The following MYO5B variants were observed in gnomAD, a reference collection of about 807,000 sequenced individuals.
MYO5B encodes myosin VB.
Under a neutral mutation model 229.3 loss-of-function variants are expected in MYO5B, and 143 were observed. The ratio of observed to expected loss-of-function variants is 0.62; its 90% CI spans 0.54 to 0.72. The LOEUF is 0.72. Ranked by LOEUF, MYO5B falls within the 30% of genes least tolerant of loss-of-function variation. The pLI is 0.00. For missense variants in MYO5B, 2,321 were observed against 2,331.0 expected, an observed-to-expected ratio of 1.00 and a Z score of 0.09; for synonymous variants, 918 against 885.2, an observed-to-expected ratio of 1.04 and a Z score of -0.66.
chr18:50,174,173 C>T (rs918573536), intron 1 of MYO5B, among the ~76,000 whole-genome samples: 1 of 152,106 alleles, frequency 6.6e-6, no homozygotes, highest in Non-Finnish European at 1.5e-5. Context: ...ACTCCCAGTA[C>T]CAAATCTGTA....
chr18:49,912,273 T>C lies in MYO5B; in HGVS notation c.2091-100A>G, dbSNP rs865965600. ...ACAGTTCCCTATGGGGTCAACACTG[T>C]GGCACAAAGTCATTCTCAGAGCAGC... On this transcript the variant is annotated intron_variant, in intron 17 of 39. Transcript: ENST00000285039. The C allele has an allele frequency of 1.6e-5, 14 of 872,308 alleles. No homozygotes were observed. The Middle Eastern group carries it at 1.3e-3, about 82-fold the overall frequency. 54.0% of individuals were successfully genotyped at this position (872,308 alleles called of 1,614,324 possible).
intron 1 of MYO5B, among the ~76,000 whole-genome samples, chr18:50,059,467 A>G (rs941403764): frequency 2.0e-5 from 3 of 152,202 alleles, no homozygotes; most frequent in Admixed American, 1.3e-4. Flanking sequence ...TGGAAGAGAG[A>G]AAGTTGGTAG....
intron 5 of MYO5B, among the ~76,000 whole-genome samples, chr18:49,996,267 A>G (rs1262178362): frequency 2.0e-5 from 3 of 152,354 alleles, no homozygotes; most frequent in African/African-American, 7.2e-5. Flanking sequence ...AAAATCGGGT[A>G]TATCTAGTAA....
intron 1 of MYO5B, 49 bp from the exon 2 acceptor site, chr18:50,055,427 A>G (rs1236395094): frequency 6.7e-7 from 1 of 1,494,280 alleles, no homozygotes; most frequent in African/African-American, 1.4e-5. Flanking sequence ...AAGCTCTCAG[A>G]TTTCTAAATG....
chr18:49,929,670 A>T, intron 16 of MYO5B, 72 bp from the exon 17 acceptor site: 1 of 1,323,658 alleles, frequency 7.6e-7, no homozygotes, highest in Non-Finnish European at 1.1e-6. Context: ...AAAGAAACAA[A>T]AAAGAATCTT....
intron 1 of MYO5B, among the ~76,000 whole-genome samples, chr18:50,181,768 T>C (rs2033076625): frequency 1.3e-5 from 2 of 152,176 alleles, no homozygotes; most frequent in Non-Finnish European, 1.5e-5. Flanking sequence ...GCTTGTTTCA[T>C]AGTCACACAC....
intron 12 of MYO5B, among the ~76,000 whole-genome samples, chr18:49,956,683 T>A (rs2025495924): frequency 6.6e-6 from 1 of 152,032 alleles, no homozygotes; most frequent in South Asian, 2.1e-4. Context: ...TACAGCTATA[T>A]GAACTTCTTT....
intron 4 of MYO5B, among the ~76,000 whole-genome samples, chr18:50,013,516 G>A (rs1163838348): frequency 6.6e-6 from 1 of 152,182 alleles, no homozygotes; most frequent in Non-Finnish European, 1.5e-5. Flanking sequence ...CAGCCCTCTT[G>A]AGAGAATTAC....
chr18:49,981,975 T>C (rs1037132413), intron 8 of MYO5B, among the ~76,000 whole-genome samples: 2 of 152,202 alleles, frequency 1.3e-5, no homozygotes, highest in African/African-American at 4.8e-5. Context: ...TTAGAGTATC[T>C]TGCTCTTAAG....
chr18:49,888,403 G>A (rs911907961), intron 22 of MYO5B, among the ~76,000 whole-genome samples: 3 of 152,152 alleles, frequency 2.0e-5, no homozygotes, highest in African/African-American at 7.2e-5. Flanking sequence ...GTCCATGAAG[G>A]CTTCACAAGA....
At chr18:50,037,696 T>G (rs567247274) in intron 3 of MYO5B, among the ~76,000 whole-genome samples, 2 of 152,268 alleles carry the variant, frequency 1.3e-5, no homozygotes, top group South Asian at 2.1e-4. Flanking sequence ...GGCCAGGAGT[T>G]TGAGACCAGC....
chr18:50,115,438 C>T (rs17729191), intron 1 of MYO5B, among the ~76,000 whole-genome samples: 11,425 of 152,182 alleles, frequency 0.075, 510 homozygotes, highest in East Asian at 0.22. Context: ...GCATTCCTCA[C>T]TTACCAAATT....
At chr18:50,074,375 C>T (rs1327981999) in intron 1 of MYO5B, among the ~76,000 whole-genome samples, 1 of 152,162 alleles carries the variant, frequency 6.6e-6, no homozygotes, top group Non-Finnish European at 1.5e-5. Context: ...CCATGCATTT[C>T]CTAAACAGCA....
intron 36 of MYO5B, 45 bp downstream of exon 36, chr18:49,839,099 T>G: frequency 1.9e-6 from 3 of 1,610,898 alleles, no homozygotes; most frequent in Non-Finnish European, 2.5e-6. Context: ...TCCCCTCATT[T>G]CAGACACCAT....
intron 14 of MYO5B, among the ~76,000 whole-genome samples, chr18:49,942,595 C>A (rs2025329304): frequency 1.3e-5 from 2 of 151,874 alleles, no homozygotes; most frequent in Non-Finnish European, 2.9e-5. Context: ...ATTTATGCAG[C>A]CAAAAGACAC....
intron 1 of MYO5B, among the ~76,000 whole-genome samples, chr18:50,082,360 CT>C (rs2144472213): frequency 6.6e-6 from 1 of 152,274 alleles, no homozygotes; most frequent in South Asian, 2.1e-4. Context: ...AAACAGTGAC[CT>C]GCAAAAAGAT....
intron 21 of MYO5B, among the ~76,000 whole-genome samples, chr18:49,902,224 T>TC (rs1450723330): frequency 2.0e-5 from 3 of 152,172 alleles, no homozygotes; most frequent in African/African-American, 7.2e-5. Context: ...CCTGCATCCC[T>TC]CCCACCTCTG....
At chr18:49,909,027 G>A (rs1161963813) in intron 18 of MYO5B, among the ~76,000 whole-genome samples, 1 of 152,194 alleles carries the variant, frequency 6.6e-6, no homozygotes, top group Non-Finnish European at 1.5e-5. Flanking sequence ...TGGTCTTTAA[G>A]TGCCTGGTGC....
chr18:50,169,070 G>A (rs1242973151), intron 1 of MYO5B, among the ~76,000 whole-genome samples: 2 of 83,004 alleles, frequency 2.4e-5, no homozygotes, highest in Non-Finnish European at 4.9e-5. Flanking sequence ...ACTTTGGGAG[G>A]CCAAGGTGGA....
Sources: allele counts gnomAD v4.1 joint callset (sites outside exome capture counted in the v4.1 genomes callset), GRCh38; gene constraint gnomAD v4.1.1; transcripts MANE v1.5; gene names NCBI Gene and HGNC (gene_info 2026-07-23, HGNC 2026-07-21).